Variants in GYPE observed in about 807,000 individuals in gnomAD.
GYPE encodes glycophorin E (MNS blood group).
In GYPE, 8 loss-of-function variants were observed where a neutral mutation model predicts 11.6. The observed-to-expected ratio is 0.69, with a 90% CI of 0.41 to 1.25. GYPE has a LOEUF of 1.25. GYPE is among the 50% of genes most tolerant of loss of function. The probability of loss-of-function intolerance (pLI) is 0.01; values close to 1 mark genes in which losing one functional copy is unlikely to be tolerated. For synonymous variants in GYPE, 28 were observed against 29.6 expected, an observed-to-expected ratio of 0.94 and a Z score of 0.18; for missense variants, 90 against 92.8, an observed-to-expected ratio of 0.97 and a Z score of 0.12.
chr4:143,891,491 A>G (rs1398824809), intron 1 of GYPE, among the ~76,000 whole-genome samples: 3 of 151,404 alleles, frequency 2.0e-5, no homozygotes, highest in Non-Finnish European at 2.9e-5. Context: ...ACCAAGCCTG[A>G]CTAATTTTTT....
chr4:143,895,936 G>T (rs958615881), intron 1 of GYPE, among the ~76,000 whole-genome samples: 4 of 151,824 alleles, frequency 2.6e-5, no homozygotes, highest in Admixed American at 1.3e-4. Flanking sequence ...AATGGTGCTG[G>T]GAAAACTGGC....
intron 2 of GYPE, among the ~76,000 whole-genome samples, chr4:143,877,617 T>C (rs1743864969): frequency 6.6e-6 from 1 of 152,220 alleles, no homozygotes; most frequent in African/African-American, 2.4e-5. Flanking sequence ...TTTATTTGCC[T>C]AATTAATATT....
intron 1 of GYPE, among the ~76,000 whole-genome samples, chr4:143,896,475 T>C (rs1268596416): frequency 6.6e-6 from 1 of 152,132 alleles, no homozygotes; most frequent in East Asian, 1.9e-4. Context: ...CTCACACCAG[T>C]TAGAATGGCA....
intron 1 of GYPE, among the ~76,000 whole-genome samples, chr4:143,900,011 C>G (rs1744800684): frequency 8.0e-6 from 1 of 125,758 alleles, no homozygotes; most frequent in South Asian, 3.1e-4. Context: ...AAACAAAAAT[C>G]TACAGAATGA....
At chr4:143,892,472 C>A (rs897090926) in intron 1 of GYPE, among the ~76,000 whole-genome samples, 1 of 151,794 alleles carries the variant, frequency 6.6e-6, no homozygotes, top group African/African-American at 2.4e-5. Context: ...CCTCTACACA[C>A]AGCTTTGAAT....
At chr4:143,884,798 T>A (rs1578962049) in intron 1 of GYPE, among the ~76,000 whole-genome samples, 1 of 32,264 alleles carries the variant, frequency 3.1e-5, no homozygotes, top group Non-Finnish European at 7.8e-5. Flanking sequence ...CAGCACAAGG[T>A]GTGAGAAGGA....
Position 143,876,875 on chromosome 4 carries a change from C to T in GYPE, c.137-20G>A, listed in dbSNP as rs753052305. 5.8e-5 allele frequency: 83 copies of T among 1,422,388 alleles called. No homozygotes were observed. Among genetic ancestry groups the T allele is most frequent in the Middle Eastern group, 1.7e-4 (1 of 5,722 alleles). The allele number at this position is 1,422,388 out of a possible 1,614,324, so 88.1% of individuals were successfully genotyped here. ...TTATCCCTACAGGAGATAAAGAGAG[C>T]GGCAAAATTATGAAAGTCTGAAATA... On this transcript the variant is annotated intron_variant, in intron 2 of 3. Transcript: ENST00000358615.
chr4:143,872,398 C>T (rs535548992), intron 3 of GYPE, 146 bp from the exon 4 acceptor site: 2 of 152,578 alleles, frequency 1.3e-5, no homozygotes, highest in African/African-American at 4.8e-5. Context: ...AAGTATATTC[C>T]ATGCAGTATA....
At chr4:143,873,536 G>A in intron 3 of GYPE, 2 of 449,142 alleles carry the variant, frequency 4.5e-6, no homozygotes, top group East Asian at 7.0e-5. Context: ...TTAAGTGGAG[G>A]CTGATATAAC....
chr4:143,891,489 T>C (rs1177440491), intron 1 of GYPE, among the ~76,000 whole-genome samples: 1 of 151,646 alleles, frequency 6.6e-6, no homozygotes, highest in African/African-American at 2.4e-5. Flanking sequence ...CCACCAAGCC[T>C]GACTAATTTT....
intron 1 of GYPE, among the ~76,000 whole-genome samples, chr4:143,902,059 T>C (rs940653188): frequency 2.6e-5 from 4 of 152,060 alleles, no homozygotes; most frequent in Admixed American, 2.6e-4. Context: ...TACTCGGCGC[T>C]TTATTGAAAA....
intron 1 of GYPE, among the ~76,000 whole-genome samples, chr4:143,881,192 A>AG (rs1744009485): frequency 7.2e-6 from 1 of 138,390 alleles, no homozygotes; most frequent in Non-Finnish European, 1.6e-5. Flanking sequence ...CTCCGTCTCA[A>AG]AAAAAAAAAA....
chr4:143,900,299 T>A (rs1367777916), intron 1 of GYPE, among the ~76,000 whole-genome samples: 1 of 127,598 alleles, frequency 7.8e-6, no homozygotes, highest in Non-Finnish European at 1.7e-5. Context: ...AAGTACAATT[T>A]CTGGCAAGAT....
chr4:143,887,521 C>A (rs1471273026), intron 1 of GYPE, among the ~76,000 whole-genome samples: 2 of 146,678 alleles, frequency 1.4e-5, no homozygotes, highest in Admixed American at 1.4e-4. Flanking sequence ...CTCTGAAGAC[C>A]TTACCCCATG....
intron 1 of GYPE, among the ~76,000 whole-genome samples, chr4:143,887,648 T>C (rs556750840): frequency 0.012 from 1,829 of 149,264 alleles, no homozygotes; most frequent in Middle Eastern, 0.041. Flanking sequence ...GAAAGGGGAG[T>C]ATAACATGCA....
intron 3 of GYPE, among the ~76,000 whole-genome samples, chr4:143,873,112 T>A (rs1360869041): frequency 2.6e-5 from 4 of 152,218 alleles, no homozygotes; most frequent in Non-Finnish European, 2.9e-5. Context: ...CTATATTCCA[T>A]GCCATCTCAT....
chr4:143,898,302 G>A (rs1350550931), intron 1 of GYPE, among the ~76,000 whole-genome samples: 1 of 152,104 alleles, frequency 6.6e-6, no homozygotes, highest in Non-Finnish European at 1.5e-5. Context: ...GCTTGAACCT[G>A]GGAGGCAGAG....
At chr4:143,894,353 G>A (rs892535644) in intron 1 of GYPE, among the ~76,000 whole-genome samples, 8 of 152,180 alleles carry the variant, frequency 5.3e-5, no homozygotes, top group Non-Finnish European at 5.9e-5. Context: ...TTGCTCGAGA[G>A]GAACTGTGTT....
intron 1 of GYPE, among the ~76,000 whole-genome samples, chr4:143,892,408 T>C (rs1212844600): frequency 6.6e-6 from 1 of 151,026 alleles, no homozygotes; most frequent in African/African-American, 2.4e-5. Context: ...TGTTAGGGTG[T>C]CAATTTTGGA....
Sources: gnomAD v4.1 joint callset for allele counts (sites outside exome capture counted in the v4.1 genomes callset) on GRCh38, gnomAD v4.1.1 for gene constraint, MANE v1.5 for transcripts, NCBI Gene and HGNC (gene_info 2026-07-23, HGNC 2026-07-21) for gene names.